Variants in VGLL4 observed in about 807,000 individuals in gnomAD.
VGLL4 encodes the protein transcription cofactor vestigial-like protein 4.
A neutral mutation model predicts 21.0 loss-of-function variants in VGLL4; 7 were observed. That is an observed-to-expected ratio of 0.33 (90% CI 0.19 to 0.63). The LOEUF is 0.63. VGLL4 is among the 20% of genes least tolerant of loss of function. The pLI is 0.78. For missense variants in VGLL4, 394 were observed against 425.7 expected (o/e 0.93, Z 0.66); for synonymous variants, 222 against 173.2 (o/e 1.28, Z -2.21).
upstream of VGLL4, among the ~76,000 whole-genome samples, chr3:11,721,017 AAAAT>A (rs1237424286): frequency 2.6e-5 from 4 of 152,304 alleles, no homozygotes; most frequent in South Asian, 2.1e-4. Context: ...CTAACTTCAT[AAAAT>A]AAATAGAGAC....
chr3:11,650,718 AACACACAC>A (rs10539636), intron 2 of VGLL4, among the ~76,000 whole-genome samples: 19 of 147,624 alleles, frequency 1.3e-4, no homozygotes, highest in Admixed American at 7.8e-4. Flanking sequence ...ACACATAGAA[AACACACAC>A]ACACACACAC....
At chr3:11,705,673 C>T (rs1482611712) in intron 1 of VGLL4, among the ~76,000 whole-genome samples, 1 of 152,258 alleles carries the variant, frequency 6.6e-6, no homozygotes, top group Non-Finnish European at 1.5e-5. Context: ...CCCAAGCCAG[C>T]TTCCTATTCA....
At chr3:11,663,407 A>G (rs2076063173) in intron 2 of VGLL4, among the ~76,000 whole-genome samples, 1 of 152,218 alleles carries the variant, frequency 6.6e-6, no homozygotes, top group Non-Finnish European at 1.5e-5. Flanking sequence ...TTCAAGATTA[A>G]AACTGCAACA....
At chr3:11,626,659 T>G (rs1250480540) in intron 1 of VGLL4, 1 of 258,788 alleles carries the variant, frequency 3.9e-6, no homozygotes, top group Non-Finnish European at 7.8e-6. Context: ...ACAGACAAAA[T>G]GGGTATCACA....
Position 11,568,516 on chromosome 3 carries a change from C to T in VGLL4, c.273-3497G>A. ...AGTCCGTGGAACACAGCACAGTGGG[C>T]ACTATGGGTCAGACAAAGACACTGA... On this transcript the variant is annotated intron_variant, in intron 2 of 4. Transcript: ENST00000430365. This position sits in a 1 kb window ranked among gnomAD's most constrained non-coding sequence, Gnocchi z 5.9. The T allele has an allele frequency of 6.6e-7, 1 of 1,504,900 alleles. No homozygotes were observed. The highest frequency in any genetic ancestry group is 9.0e-7 in the Non-Finnish European group (1 of 1,105,194). 93.2% of individuals were successfully genotyped at this position (1,504,900 alleles called of 1,614,324 possible). A position where few individuals can be genotyped will look rare whatever the true frequency, so the allele number is the denominator to read the frequency against.
At chr3:11,573,281 AAGAAAGAAAGAAAG>A (rs1559869602) in intron 2 of VGLL4, among the ~76,000 whole-genome samples, 1 of 17,168 alleles carries the variant, frequency 5.8e-5, no homozygotes, top group African/African-American at 2.4e-4. Context: ...GAAAGAAAGA[AAGAAAGAAAGAAAG>A]AAAGAAAGAA....
At chr3:11,680,722 T>C (rs796123188) in intron 2 of VGLL4, among the ~76,000 whole-genome samples, 3 of 152,298 alleles carry the variant, frequency 2.0e-5, no homozygotes, top group African/African-American at 7.2e-5. Context: ...CGTGGCATAA[T>C]GGAAAGGACG....
At chr3:11,662,411 T>C (rs2076050636) in intron 2 of VGLL4, among the ~76,000 whole-genome samples, 2 of 152,196 alleles carry the variant, frequency 1.3e-5, no homozygotes, top group South Asian at 2.1e-4. Flanking sequence ...AAACAATACA[T>C]TGGGAAGGCA....
chr3:11,668,617 C>T (rs935221040), intron 2 of VGLL4, among the ~76,000 whole-genome samples: 2 of 152,182 alleles, frequency 1.3e-5, no homozygotes, highest in Non-Finnish European at 2.9e-5. Context: ...CATCAGAAAC[C>T]TTCAATGGCC....
chr3:11,561,758 G>T (rs191860077), intron 3 of VGLL4, among the ~76,000 whole-genome samples: 1 of 152,072 alleles, frequency 6.6e-6, no homozygotes, highest in Non-Finnish European at 1.5e-5. Context: ...GGGCCAGTAT[G>T]AGCCCTGTCA....
At chr3:11,604,180 C>G in intron 1 of VGLL4, 1 of 190,708 alleles carries the variant, frequency 5.2e-6, no homozygotes, top group Non-Finnish European at 9.6e-6. Flanking sequence ...CAGACGCCTC[C>G]ACCAGGTCCC....
chr3:11,565,167 C>T lies in VGLL4; in HGVS notation c.273-148G>A. 4 of 810,854 alleles carry T rather than the reference C, an allele frequency of 4.9e-6. No homozygotes were observed. Among genetic ancestry groups the T allele is most frequent in the South Asian group, 3.0e-5 (1 of 33,252 alleles). 50.2% of individuals were successfully genotyped at this position (810,854 alleles called of 1,614,324 possible). On this transcript the variant is annotated intron_variant, in intron 2 of 4. Transcript: ENST00000430365. The surrounding 1 kb of genome is among the most constrained non-coding windows in gnomAD (Gnocchi z 4.1). ...GGGCAGCACGATGAGGAGCCGGTTG[C>T]CAGCCCGGGTCAGCCGGACACCAAA...
At chr3:11,640,924 C>G (rs1057491284) in intron 1 of VGLL4, among the ~76,000 whole-genome samples, 1 of 152,022 alleles carries the variant, frequency 6.6e-6, no homozygotes, top group African/African-American at 2.4e-5. Context: ...TTGAAACCAG[C>G]CTGCCCAACA....
chr3:11,671,266 G>A lies in VGLL4; in HGVS notation c.64+31705C>T, dbSNP rs114770226. The A allele has an allele frequency of 1.2e-3, 1,842 of 1,596,082 alleles. 21 individuals carry two copies. The African/African-American group carries it at 0.023, about 20-fold the overall frequency. On this transcript the variant is annotated intron_variant, in intron 2 of 5. Transcript: ENST00000273038. ...AAATCAAAAGAACATTTTTACCATG[G>A]TGCAGACCTGGATGTCTCCAACTTT... is the stretch of plus-strand genomic sequence containing the variant.
intron 2 of VGLL4, among the ~76,000 whole-genome samples, chr3:11,695,224 A>G (rs6796678): frequency 0.12 from 17,985 of 151,568 alleles, 1,286 homozygotes; most frequent in Admixed American, 0.19. Context: ...TAATTTTTGC[A>G]TTTTTAGTAG....
chr3:11,643,202 A>T (rs975006025), intron 1 of VGLL4, among the ~76,000 whole-genome samples: 1 of 152,194 alleles, frequency 6.6e-6, no homozygotes, highest in Non-Finnish European at 1.5e-5. Flanking sequence ...GCAAGCAACG[A>T]GCAAACTTTG....
chr3:11,596,666 G>C (rs1346090517), intron 2 of VGLL4, among the ~76,000 whole-genome samples: 1 of 152,170 alleles, frequency 6.6e-6, no homozygotes, highest in East Asian at 1.9e-4. Context: ...GAAATGTTCT[G>C]TATCTGTGCT....
chr3:11,645,424 A>C (rs2075774510), upstream of VGLL4, among the ~76,000 whole-genome samples: 2 of 146,374 alleles, frequency 1.4e-5, no homozygotes, highest in Admixed American at 6.8e-5. Flanking sequence ...CCCCGTCTCT[A>C]CTAAAAATAC....
chr3:11,590,203 G>C (rs573140348), intron 2 of VGLL4, among the ~76,000 whole-genome samples: 69 of 152,262 alleles, frequency 4.5e-4, no homozygotes, highest in African/African-American at 1.6e-3. Context: ...GTTGTCAGAT[G>C]CAGCTGAGGA....
Sources: allele counts gnomAD v4.1 joint callset (sites outside exome capture counted in the v4.1 genomes callset), GRCh38; gene constraint gnomAD v4.1.1; non-coding constraint Gnocchi (gnomAD v3.1); transcripts MANE v1.5; gene names NCBI Gene and HGNC (gene_info 2026-07-23, HGNC 2026-07-21).